Variants in MARCHF8 observed in about 807,000 individuals in gnomAD.
The protein encoded by MARCHF8 is membrane associated ring-CH-type finger 8.
Under a neutral mutation model 51.6 loss-of-function variants are expected in MARCHF8, and 40 were observed. The ratio of observed to expected loss-of-function variants is 0.77; its 90% CI spans 0.60 to 1.01. The LOEUF is 1.01. Ranked by LOEUF, MARCHF8 falls within the 50% of genes least tolerant of loss-of-function variation. The pLI is 0.00. For missense variants in MARCHF8, 685 were observed against 708.6 expected, an observed-to-expected ratio of 0.97 and a Z score of 0.38; for synonymous variants, 263 against 280.3, an observed-to-expected ratio of 0.94 and a Z score of 0.62.
intron 1 of MARCHF8, among the ~76,000 whole-genome samples, chr10:45,561,835 A>C (rs563909505): frequency 1.2e-4 from 18 of 145,588 alleles, no homozygotes; most frequent in African/African-American, 4.0e-4. Flanking sequence ...CAGGAAGCAG[A>C]GCTTGCAGTG....
chr10:45,518,009 A>C (rs541825687), intron 2 of MARCHF8, among the ~76,000 whole-genome samples: 1 of 152,236 alleles, frequency 6.6e-6, no homozygotes, highest in Non-Finnish European at 1.5e-5. Flanking sequence ...GAATATTTTA[A>C]GTTAAAACTT....
At chr10:45,528,485 G>A (rs531332077) in intron 2 of MARCHF8, among the ~76,000 whole-genome samples, 3 of 151,988 alleles carry the variant, frequency 2.0e-5, no homozygotes, top group South Asian at 2.1e-4. Flanking sequence ...TTTTTGAAAC[G>A]GTCTCACTCT....
chr10:45,464,247 G>A lies in MARCHF8; in HGVS notation c.234C>T (p.Asp78=). The change falls in exon 4 of 8, where the codon GAC becomes GAT. Residue 78 remains aspartate, a synonymous_variant. Transcript: ENST00000453424. ...CTGAAGCAGAGTGTTACCTGCAGATGTCCTGGCTGGATGGCGTGATAGAAG... is the reference window on the plus strand; with the variant it reads ...CTGAAGCAGAGTGTTACCTGCAGATATCCTGGCTGGATGGCGTGATAGAAG... The part of the protein sequence containing the change: ...SRTSITPSSQ[D]ICSSSAVFSE... The A allele has an allele frequency of 6.2e-7, 1 of 1,614,162 alleles. No homozygotes were observed. Among genetic ancestry groups the A allele is most frequent in the Non-Finnish European group, 8.5e-7 (1 of 1,179,984 alleles).
intron 1 of MARCHF8, 128 bp downstream of exon 1, chr10:45,535,083 G>C (rs566877093): frequency 2.1e-4 from 32 of 152,302 alleles, no homozygotes; most frequent in African/African-American, 5.3e-4. Flanking sequence ...TTAGTGTCTA[G>C]GTATCACACA....
chr10:45,588,451 T>C (rs925082435), intron 1 of MARCHF8, among the ~76,000 whole-genome samples: 3 of 152,220 alleles, frequency 2.0e-5, no homozygotes, highest in Admixed American at 6.5e-5. Context: ...ATACCACTTA[T>C]GTTTTAAATA....
chr10:45,569,021 C>T (rs369672196), intron 1 of MARCHF8, among the ~76,000 whole-genome samples: 5 of 144,436 alleles, frequency 3.5e-5, no homozygotes, highest in African/African-American at 1.3e-4. Flanking sequence ...GCCGAGATGG[C>T]GCCACTGCAC....
chr10:45,495,313 C>CAA (rs578036170), intron 2 of MARCHF8, among the ~76,000 whole-genome samples: 4 of 142,078 alleles, frequency 2.8e-5, no homozygotes, highest in African/African-American at 1.0e-4. Context: ...ACTATTTTCT[C>CAA]AAAAAAAAAA....
intron 2 of MARCHF8, among the ~76,000 whole-genome samples, chr10:45,523,193 T>C (rs1309954337): frequency 1.3e-5 from 2 of 152,208 alleles, no homozygotes; most frequent in African/African-American, 4.8e-5. Flanking sequence ...TACAGGACAC[T>C]AGGACTGTAG....
intron 1 of MARCHF8, among the ~76,000 whole-genome samples, chr10:45,553,963 A>G (rs1349887648): frequency 6.6e-6 from 1 of 152,238 alleles, no homozygotes; most frequent in East Asian, 1.9e-4. Context: ...GGAACCATGT[A>G]TATGTTTTCC....
intron 1 of MARCHF8, among the ~76,000 whole-genome samples, chr10:45,590,977 C>T (rs2044674089): frequency 6.6e-6 from 1 of 152,234 alleles, no homozygotes; most frequent in Admixed American, 6.5e-5. Context: ...CTGCCCCACC[C>T]TAACTGATAA....
intron 2 of MARCHF8, among the ~76,000 whole-genome samples, chr10:45,513,748 T>C (rs185859483): frequency 1.3e-5 from 2 of 152,166 alleles, no homozygotes; most frequent in East Asian, 3.9e-4. Context: ...CCAAATGAAA[T>C]TACATGTCTG....
At chr10:45,574,279 C>T (rs2044464784) in intron 1 of MARCHF8, among the ~76,000 whole-genome samples, 1 of 152,174 alleles carries the variant, frequency 6.6e-6, no homozygotes. Flanking sequence ...TATAAACTCT[C>T]CTTACAATTC....
intron 1 of MARCHF8, among the ~76,000 whole-genome samples, chr10:45,580,003 C>CA (rs34446338): frequency 0.044 from 1,587 of 36,452 alleles, 204 homozygotes; most frequent in East Asian, 0.09. Context: ...ACTCCGTCTC[C>CA]AAAAAAAAAA....
chr10:45,568,378 G>A (rs1435932246), intron 1 of MARCHF8, among the ~76,000 whole-genome samples: 5 of 152,122 alleles, frequency 3.3e-5, no homozygotes, highest in East Asian at 3.9e-4. Context: ...TCCAATTTTC[G>A]GTTTCCCTGG....
chr10:45,546,027 T>C (rs1023530138), intron 1 of MARCHF8, among the ~76,000 whole-genome samples: 3 of 152,206 alleles, frequency 2.0e-5, no homozygotes, highest in Non-Finnish European at 4.4e-5. Context: ...TCTCCATATG[T>C]TACCCACTAA....
intron 2 of MARCHF8, among the ~76,000 whole-genome samples, chr10:45,500,741 C>T (rs1023478405): frequency 5.3e-5 from 8 of 152,174 alleles, no homozygotes; most frequent in African/African-American, 7.2e-5. Flanking sequence ...TCTATCTGCA[C>T]ATGACATGAA....
At chr10:45,556,090 C>A (rs2044249197) in intron 1 of MARCHF8, among the ~76,000 whole-genome samples, 2 of 152,154 alleles carry the variant, frequency 1.3e-5, no homozygotes, top group South Asian at 4.1e-4. Flanking sequence ...AATCATTTCG[C>A]AAAATTCATA....
intron 3 of MARCHF8, among the ~76,000 whole-genome samples, chr10:45,467,895 C>T (rs903849941): frequency 2.6e-5 from 4 of 152,146 alleles, no homozygotes; most frequent in African/African-American, 9.7e-5. Context: ...AAAACTTAGG[C>T]CCTCTGTTCC....
chr10:45,568,839 C>G (rs552532521), intron 1 of MARCHF8, among the ~76,000 whole-genome samples: 1 of 151,680 alleles, frequency 6.6e-6, no homozygotes, highest in Non-Finnish European at 1.5e-5. Flanking sequence ...GAGCCCAAGG[C>G]AGGTGGATCA....
Sources: gnomAD v4.1 joint callset for allele counts (sites outside exome capture counted in the v4.1 genomes callset) on GRCh38, gnomAD v4.1.1 for gene constraint, MANE v1.5 for transcripts, NCBI Gene and HGNC (gene_info 2026-07-23, HGNC 2026-07-21) for gene names.